The following CCDC149 variants were observed in gnomAD, a reference collection of about 807,000 sequenced individuals.
CCDC149 encodes coiled-coil domain containing 149, also known as coiled-coil domain-containing protein 149.
Under a neutral mutation model 59.9 loss-of-function variants are expected in CCDC149, and 45 were observed. That is an observed-to-expected ratio of 0.75 (90% confidence interval 0.59 to 0.96). The LOEUF is 0.96. CCDC149 is among the 40% of genes least tolerant of loss of function. CCDC149 has a pLI of 0.00. For missense variants in CCDC149, 584 were observed against 664.7 expected, an observed-to-expected ratio of 0.88 and a Z score of 1.33; for synonymous variants, 245 against 260.6, an observed-to-expected ratio of 0.94 and a Z score of 0.58.
At chr4:24,880,253 C>T (rs1397979004) in intron 1 of CCDC149, among the ~76,000 whole-genome samples, 4 of 152,172 alleles carry the variant, frequency 2.6e-5, no homozygotes, top group Admixed American at 1.3e-4. Flanking sequence ...AGTACAGTAA[C>T]GTGCTGCATA....
chr4:24,905,556 C>A (rs1026706101), intron 1 of CCDC149, among the ~76,000 whole-genome samples: 14 of 151,448 alleles, frequency 9.2e-5, no homozygotes, highest in South Asian at 2.1e-4. Flanking sequence ...CTGCCTCAGC[C>A]TCCTGGGTAG....
intron 3 of CCDC149, among the ~76,000 whole-genome samples, chr4:24,853,556 C>A (rs1300947410): frequency 1.4e-5 from 2 of 146,860 alleles, no homozygotes; most frequent in African/African-American, 2.6e-5. Flanking sequence ...CCACTGCACT[C>A]CAGCCTGGGT....
chr4:24,904,955 G>A (rs1193092125), intron 1 of CCDC149, among the ~76,000 whole-genome samples: 1 of 151,992 alleles, frequency 6.6e-6, no homozygotes, highest in East Asian at 1.9e-4. Flanking sequence ...AGGCTGGAGT[G>A]CACTGGTGCC....
At chr4:24,833,202 C>T (rs1716269192) in intron 8 of CCDC149, among the ~76,000 whole-genome samples, 1 of 151,570 alleles carries the variant, frequency 6.6e-6, no homozygotes, top group Admixed American at 6.6e-5. Flanking sequence ...CAGTATAAAT[C>T]TCACAATTTT....
At chr4:24,872,579 T>TGCAGAATGGTATGTACCC (rs2094476529) in intron 3 of CCDC149, among the ~76,000 whole-genome samples, 2 of 142,248 alleles carry the variant, frequency 1.4e-5, no homozygotes, top group Non-Finnish European at 3.1e-5. Flanking sequence ...GGTATGCACC[T>TGCAGAATGGTATGTACCC]GCAGAATGGT....
chr4:24,867,208 G>A (rs546746375), intron 3 of CCDC149, among the ~76,000 whole-genome samples: 8 of 152,228 alleles, frequency 5.3e-5, no homozygotes, highest in South Asian at 4.2e-4. Flanking sequence ...CACAAACACC[G>A]CCACATCAGT....
At chr4:24,833,838 CAG>C (rs1332464105) in intron 8 of CCDC149, among the ~76,000 whole-genome samples, 4 of 152,114 alleles carry the variant, frequency 2.6e-5, no homozygotes, top group African/African-American at 7.2e-5. Flanking sequence ...AGCAGGTTGT[CAG>C]AGAGTCATAG....
chr4:24,936,875 G>A (rs903814604), intron 1 of CCDC149, among the ~76,000 whole-genome samples: 1 of 152,240 alleles, frequency 6.6e-6, no homozygotes, highest in South Asian at 2.1e-4. Flanking sequence ...AGCTTTTGTG[G>A]TGTTGGAGGT....
intron 8 of CCDC149, among the ~76,000 whole-genome samples, chr4:24,833,006 C>T (rs985258793): frequency 1.3e-5 from 2 of 152,154 alleles, no homozygotes; most frequent in Non-Finnish European, 2.9e-5. Flanking sequence ...GCTTCTCCCG[C>T]CGTCTTTTTC....
At chr4:24,811,797 C>A (rs957003925) in intron 12 of CCDC149, among the ~76,000 whole-genome samples, 12 of 151,692 alleles carry the variant, frequency 7.9e-5, no homozygotes, top group Non-Finnish European at 1.8e-4. Context: ...CAATTGAACC[C>A]GGGAGGCAGA....
At chr4:24,862,139 C>T (rs556697307) in intron 3 of CCDC149, among the ~76,000 whole-genome samples, 2 of 152,282 alleles carry the variant, frequency 1.3e-5, no homozygotes, top group East Asian at 3.9e-4. Flanking sequence ...TGACAAGTGA[C>T]AGTGAAACTG....
intron 1 of CCDC149, among the ~76,000 whole-genome samples, chr4:24,969,377 T>C (rs1487041235): frequency 1.3e-5 from 2 of 152,218 alleles, no homozygotes; most frequent in Non-Finnish European, 2.9e-5. Flanking sequence ...TTATGTGGCC[T>C]GTATGGTTGC....
At chr4:24,945,052 C>G (rs563639811) in intron 1 of CCDC149, among the ~76,000 whole-genome samples, 1 of 152,308 alleles carries the variant, frequency 6.6e-6, no homozygotes, top group Non-Finnish European at 1.5e-5. Flanking sequence ...GGACATTTGT[C>G]CTCATGCTTT....
intron 1 of CCDC149, among the ~76,000 whole-genome samples, chr4:24,944,551 TA>T (rs113726424): frequency 1.7e-4 from 21 of 126,534 alleles, no homozygotes; most frequent in African/African-American, 3.9e-4. Flanking sequence ...AAGTATAATT[TA>T]AAAAAAAAAG....
chr4:24,814,347 T>C (rs1451990079), intron 12 of CCDC149, among the ~76,000 whole-genome samples: 1 of 152,186 alleles, frequency 6.6e-6, no homozygotes, highest in Non-Finnish European at 1.5e-5. Flanking sequence ...TGTATAGATG[T>C]GTGAATAAAT....
intron 1 of CCDC149, among the ~76,000 whole-genome samples, chr4:24,895,856 C>A (rs533073799): frequency 2.4e-4 from 36 of 152,336 alleles, no homozygotes; most frequent in African/African-American, 8.4e-4. Context: ...GACTCCTTAG[C>A]CCACTGTTGC....
At chr4:24,966,482 G>C (rs1723807943) in intron 1 of CCDC149, among the ~76,000 whole-genome samples, 1 of 151,956 alleles carries the variant, frequency 6.6e-6, no homozygotes, top group South Asian at 2.1e-4. Flanking sequence ...GGTGGCTCTT[G>C]GGCAAGCAGA....
rs1724223663 is a variant in CCDC149 at position 24,976,889 on chromosome 4, A to T, written c.-65+3180T>A. On this transcript the variant is annotated intron_variant, in intron 1 of 12. Coordinates refer to the CCDC149 transcript ENST00000389609. ...ATTGTGGAGAACATCTGGCCGCTAG[A>T]GGAGTGTGCATGGACCACACTAGAA... Among the ~76,000 whole-genome samples the T allele has an allele frequency of 1.3e-5, 2 of 152,146 alleles. 1 individual carries two copies. Among genetic ancestry groups the T allele is most frequent in the Non-Finnish European group, 2.9e-5 (2 of 68,000 alleles).
intron 1 of CCDC149, among the ~76,000 whole-genome samples, chr4:24,955,385 A>G (rs772453791): frequency 3.9e-5 from 6 of 152,192 alleles, no homozygotes; most frequent in Non-Finnish European, 5.9e-5. Context: ...GTAGACCCTA[A>G]CTCTTAATAC....
Sources: gnomAD v4.1 joint callset for allele counts (sites outside exome capture counted in the v4.1 genomes callset) on GRCh38, gnomAD v4.1.1 for gene constraint, MANE v1.5 for transcripts, NCBI Gene and HGNC (gene_info 2026-07-23, HGNC 2026-07-21) for gene names.